ANKRD30B: variants seen among roughly 807,000 people sequenced by gnomAD.
The protein encoded by ANKRD30B is ankyrin repeat domain-containing protein 30B.
Under a neutral mutation model 202.2 loss-of-function variants are expected in ANKRD30B, and 144 were observed. The ratio of observed to expected loss-of-function variants is 0.71; its 90% confidence interval spans 0.62 to 0.82. The LOEUF is 0.82. Among genes scored for constraint, ANKRD30B ranks in the 40% least tolerant of loss-of-function variants. ANKRD30B has a pLI of 0.00. For synonymous variants in ANKRD30B, 508 were observed against 561.3 expected, an observed-to-expected ratio of 0.91 and a Z score of 1.34; for missense variants, 1,487 against 1,669.1, an observed-to-expected ratio of 0.89 and a Z score of 1.90.
intron 42 of ANKRD30B, 60 bp downstream of exon 42, chr18:14,852,480 A>T (rs1248817426): frequency 6.7e-7 from 1 of 1,484,418 alleles, no homozygotes. Flanking sequence ...GCCTTGGCTA[A>T]ATGCTGAATC....
the ANKRD30B span, among the ~76,000 whole-genome samples, chr18:14,879,975 G>T: frequency 6.6e-6 from 1 of 152,028 alleles, no homozygotes; most frequent in African/African-American, 2.4e-5. Flanking sequence ...GTCTAGAAGG[G>T]TTTATCCAGT....
the ANKRD30B span, among the ~76,000 whole-genome samples, chr18:14,901,509 A>G: frequency 6.6e-6 from 1 of 152,068 alleles, no homozygotes; most frequent in Non-Finnish European, 1.5e-5. Context: ...TTTATTTGAA[A>G]TATTGCTGAT....
intron 36 of ANKRD30B, among the ~76,000 whole-genome samples, chr18:14,840,083 A>T (rs908213487): frequency 3.3e-5 from 5 of 152,208 alleles, no homozygotes; most frequent in African/African-American, 4.8e-5. Context: ...ATAAAAGATA[A>T]GCTTGATCTA....
At chr18:14,878,956 C>A in the ANKRD30B span, among the ~76,000 whole-genome samples, 1 of 152,202 alleles carries the variant, frequency 6.6e-6, no homozygotes, top group Admixed American at 6.5e-5. Flanking sequence ...TTCTCCTCTG[C>A]ACAGACTTCG....
the ANKRD30B span, among the ~76,000 whole-genome samples, chr18:14,920,661 T>G: frequency 6.6e-6 from 1 of 152,220 alleles, no homozygotes; most frequent in Non-Finnish European, 1.5e-5. Flanking sequence ...CCCAAGGTCC[T>G]GCCTGATCCT....
the ANKRD30B span, among the ~76,000 whole-genome samples, chr18:14,877,415 C>A: frequency 1.3e-5 from 2 of 151,942 alleles, no homozygotes; most frequent in Non-Finnish European, 2.9e-5. Flanking sequence ...CTGCTCTGAG[C>A]CCCAGTTTCT....
At chr18:14,777,912 C>A in intron 9 of ANKRD30B, 73 bp from the exon 10 acceptor site, 2 of 1,052,762 alleles carry the variant, frequency 1.9e-6, no homozygotes, top group South Asian at 1.4e-5. Flanking sequence ...CACTGAGCCA[C>A]CCTGTGAGAC....
At chr18:14,893,616 A>C in the ANKRD30B span, among the ~76,000 whole-genome samples, 29 of 151,570 alleles carry the variant, frequency 1.9e-4, 1 homozygote, top group Admixed American at 1.9e-3. Flanking sequence ...CATCTCACAA[A>C]AAAAAAAAAA....
intron 20 of ANKRD30B, among the ~76,000 whole-genome samples, chr18:14,798,216 G>A (rs71364873): frequency 1.4e-5 from 2 of 140,010 alleles, no homozygotes; most frequent in South Asian, 2.5e-4. Flanking sequence ...ACAATTCACT[G>A]GATATACCCG....
the ANKRD30B span, among the ~76,000 whole-genome samples, chr18:14,903,229 A>C: frequency 6.6e-6 from 1 of 152,156 alleles, no homozygotes; most frequent in East Asian, 1.9e-4. Context: ...CTAGTAAATA[A>C]ACTGACAAAA....
intron 16 of ANKRD30B, among the ~76,000 whole-genome samples, chr18:14,795,926 A>C (rs1348820382): frequency 6.6e-6 from 1 of 151,702 alleles, no homozygotes; most frequent in Non-Finnish European, 1.5e-5. Context: ...TATACGGCAG[A>C]TTAATCTTAC....
Position 14,748,597 on chromosome 18 carries a change from G to T in ANKRD30B, c.178G>T (p.Gly60Trp). ...CCAGAAGCTGGAGAAGATGACAGTA[G>T]GGAAGAAGCCCGTCAACCTGAACAA... is the stretch of plus-strand genomic sequence containing the variant. ...QVQKLEKMTVGKKPVNLNKRD... is the reference protein window; with the variant it reads ...QVQKLEKMTVWKKPVNLNKRD... Residue 60 changes from glycine to tryptophan, a missense_variant, in exon 1 of 44, where the codon GGG becomes TGG. Transcript: ENST00000690538. 1 of 1,566,822 alleles carries T rather than the reference G, an allele frequency of 6.4e-7. No individual in the cohort carries two copies.
rs997216219 is a variant in ANKRD30B, at chr18:14,783,823, T to C, written c.1571-513T>C. ...AATATAGGCATATGATTACACCATA[T>C]GGTTATGGAAAACAGTGAATATTTA... On this transcript the variant is annotated intron_variant, in intron 12 of 43. Transcript: ENST00000690538. Among the ~76,000 whole-genome samples, 3 of 152,188 alleles carry C rather than the reference T, an allele frequency of 2.0e-5. No individual in the cohort carries two copies. The South Asian group carries it at 6.2e-4, about 32-fold the overall frequency.
intron 10 of ANKRD30B, among the ~76,000 whole-genome samples, chr18:14,778,568 GA>G (rs935627428): frequency 1.3e-5 from 2 of 152,184 alleles, no homozygotes; most frequent in Admixed American, 6.5e-5. Context: ...TGACCATGGA[GA>G]GTTGTGTTTT....
chr18:14,823,987 A>T (rs1183949964), intron 32 of ANKRD30B, among the ~76,000 whole-genome samples: 1 of 152,238 alleles, frequency 6.6e-6, no homozygotes, highest in African/African-American at 2.4e-5. Flanking sequence ...CAAACAAGCA[A>T]ACAAACAAAA....
intron 7 of ANKRD30B, among the ~76,000 whole-genome samples, chr18:14,768,167 A>G (rs1257555314): frequency 6.6e-6 from 1 of 152,138 alleles, no homozygotes; most frequent in East Asian, 1.9e-4. Flanking sequence ...TTTTTTATTC[A>G]TGCCTATGTA....
intron 30 of ANKRD30B, among the ~76,000 whole-genome samples, chr18:14,820,548 A>G (rs1350606941): frequency 1.3e-5 from 2 of 152,096 alleles, no homozygotes; most frequent in Admixed American, 1.3e-4. Flanking sequence ...TCAATACCTA[A>G]TTTATTGAGT....
intron 3 of ANKRD30B, 51 bp from the exon 4 acceptor site, chr18:14,754,848 G>T: frequency 1.5e-6 from 2 of 1,291,352 alleles, no homozygotes; most frequent in Non-Finnish European, 1.0e-6. Flanking sequence ...ATTCAGTTCA[G>T]CTGAGAAATA....
intron 16 of ANKRD30B, among the ~76,000 whole-genome samples, chr18:14,794,457 A>G (rs1164210930): frequency 3.3e-5 from 5 of 151,752 alleles, no homozygotes; most frequent in South Asian, 4.2e-4. Context: ...CTCATTTCCT[A>G]TCTCATGACA....
Sources: gnomAD v4.1 joint callset for allele counts (sites outside exome capture counted in the v4.1 genomes callset) on GRCh38, gnomAD v4.1.1 for gene constraint, MANE v1.5 for transcripts, NCBI Gene and HGNC (gene_info 2026-07-23, HGNC 2026-07-21) for gene names.